Variants in FAM91A1 observed in about 807,000 individuals in gnomAD.
The protein encoded by FAM91A1 is family with sequence similarity 91 member A1.
Under a neutral mutation model 113.5 loss-of-function variants are expected in FAM91A1, and 41 were observed. That is an observed-to-expected ratio of 0.36 (90% confidence interval 0.28 to 0.47). The LOEUF (loss-of-function observed/expected upper bound fraction) is 0.47. Among genes scored for constraint, FAM91A1 ranks in the 20% least tolerant of loss-of-function variants. The pLI is 1.00. For missense variants in FAM91A1, 696 were observed against 1,001.2 expected (o/e 0.70, Z 4.11); for synonymous variants, 307 against 347.9 (o/e 0.88, Z 1.31).
chr8:123,768,817 C>T (rs752772689), intron 1 of FAM91A1, 43 bp downstream of exon 1: 3 of 1,589,072 alleles, frequency 1.9e-6, no homozygotes, highest in African/African-American at 1.3e-5. Context: ...GGATTCGGCC[C>T]GCCCAGCGGT....
chr8:123,771,101 T>C (rs1814826360), intron 1 of FAM91A1, among the ~76,000 whole-genome samples: 1 of 152,230 alleles, frequency 6.6e-6, no homozygotes, highest in African/African-American at 2.4e-5. Flanking sequence ...ATATTTTGAT[T>C]CTCACTCTGA....
chr8:123,782,549 T>C (rs953963228), intron 8 of FAM91A1, among the ~76,000 whole-genome samples: 43 of 152,214 alleles, frequency 2.8e-4, no homozygotes, highest in African/African-American at 8.0e-4. Flanking sequence ...TTTCTAACTG[T>C]ATTTTGTGTG....
chr8:123,809,139 T>A, intron 22 of FAM91A1, 123 bp downstream of exon 22: 1 of 1,326,122 alleles, frequency 7.5e-7, no homozygotes. Flanking sequence ...ATTTGTTGAT[T>A]GAATAGAGAT....
At position 123,774,177 on chromosome 8, in the gene FAM91A1, A is replaced by G; in HGVS notation, c.157+13A>G. 6.3e-7 allele frequency: 1 copy of G among 1,594,794 alleles called. No individual in the cohort carries two copies. Among genetic ancestry groups the G allele is most frequent in the Non-Finnish European group, 8.6e-7 (1 of 1,168,832 alleles). On this transcript the variant is annotated intron_variant, in intron 2 of 23. Coordinates refer to ENST00000334705, the MANE Select transcript of FAM91A1 (RefSeq NM_144963.4). ...AGAAATAACTTAGGTAAGTAGAGCC[A>G]TGTTTATATTGGGGTGGAACTGACC...
intron 1 of FAM91A1, among the ~76,000 whole-genome samples, chr8:123,771,668 A>G (rs1008618592): frequency 6.6e-6 from 1 of 152,082 alleles, no homozygotes; most frequent in African/African-American, 2.4e-5. Flanking sequence ...TAGCCCTTTT[A>G]TTTTGAGGGA....
In FAM91A1 at chr8:123,768,463, C is replaced by G. The variant is rs1334261803; in HGVS notation, c.-240C>G. ...CAGAGCCATTTCCGGCGGCCCGAAACTAGGAAGAAACTTGGAGCTGTTCAG... is the reference window on the plus strand; with the variant it reads ...CAGAGCCATTTCCGGCGGCCCGAAAGTAGGAAGAAACTTGGAGCTGTTCAG... On this transcript the variant is annotated 5_prime_UTR_variant, in exon 1 of 24. Coordinates refer to ENST00000334705, the MANE Select transcript of FAM91A1 (RefSeq NM_144963.4). 2.5e-5 allele frequency: 11 copies of G among 436,574 alleles called. No individual in the cohort carries two copies. In the East Asian group the frequency reaches 2.6e-4, roughly 10 times the overall value. The allele number at this position is 436,574 out of a possible 1,614,324, so 27.0% of individuals were successfully genotyped here. A position where few individuals can be genotyped will look rare whatever the true frequency, so the allele number is the denominator to read the frequency against.
At chr8:123,806,772 G>A (rs754865157) in intron 20 of FAM91A1, among the ~76,000 whole-genome samples, 1 of 151,922 alleles carries the variant, frequency 6.6e-6, no homozygotes, top group Non-Finnish European at 1.5e-5. Flanking sequence ...TTCTTGTCTG[G>A]GTCTTGAACT....
At chr8:123,810,758 A>G (rs905528550) in intron 23 of FAM91A1, 4 of 200,780 alleles carry the variant, frequency 2.0e-5, no homozygotes, top group African/African-American at 9.4e-5. Flanking sequence ...CAAGGAAAGA[A>G]AGAATATTCT....
chr8:123,805,158 G>A lies in FAM91A1; in HGVS notation c.1810-109G>A. ...AAATTGTTGAAAGAATTTTGATGAGGTATTAATATGGAATATACCATTACA... is the reference window on the plus strand; with the variant it reads ...AAATTGTTGAAAGAATTTTGATGAGATATTAATATGGAATATACCATTACA... On this transcript the variant is annotated intron_variant, in intron 18 of 23. Coordinates refer to ENST00000334705, the MANE Select transcript of FAM91A1 (RefSeq NM_144963.4). 3 of 783,104 alleles carry A rather than the reference G, an allele frequency of 3.8e-6. No individual in the cohort carries two copies. In the East Asian group the frequency reaches 8.1e-5, roughly 21 times the overall value. The allele number at this position is 783,104 out of a possible 1,614,324, so 48.5% of individuals were successfully genotyped here.
intron 23 of FAM91A1, 159 bp downstream of exon 23, chr8:123,810,510 T>A: frequency 1.3e-6 from 1 of 786,024 alleles, no homozygotes; most frequent in Middle Eastern, 2.5e-4. Context: ...GTTAATGGAC[T>A]TGCACATTTC....
At chr8:123,796,134 C>A (rs1220655745) in intron 15 of FAM91A1, among the ~76,000 whole-genome samples, 1 of 152,160 alleles carries the variant, frequency 6.6e-6, no homozygotes, top group East Asian at 1.9e-4. Context: ...TACTTGCCCC[C>A]AAACACGTGT....
At chr8:123,791,580 A>G (rs1442392097) in intron 15 of FAM91A1, among the ~76,000 whole-genome samples, 1 of 152,150 alleles carries the variant, frequency 6.6e-6, no homozygotes, top group Non-Finnish European at 1.5e-5. Flanking sequence ...TCCAAAGTTA[A>G]ATTTGATGAA....
At position 123,789,842 on chromosome 8, in the gene FAM91A1, G is replaced by A. The variant is rs183848051; in HGVS notation, c.1411+97G>A. ...GCTCACTTATATAATCATCACTTAC[G>A]TATTTTGTGTAGATAGCATATTGAA... On this transcript the variant is annotated intron_variant, in intron 15 of 23. Transcript: ENST00000334705. 28 of 1,372,432 alleles carry A rather than the reference G, an allele frequency of 2.0e-5. No homozygotes were observed. The Admixed American group carries it at 5.1e-4, about 25-fold the overall frequency. 85.0% of individuals were successfully genotyped at this position (1,372,432 alleles called of 1,614,324 possible). A position where few individuals can be genotyped will look rare whatever the true frequency, so the allele number is the denominator to read the frequency against.
chr8:123,773,437 A>G (rs1347628990), intron 1 of FAM91A1, among the ~76,000 whole-genome samples: 1 of 152,212 alleles, frequency 6.6e-6, no homozygotes. Flanking sequence ...TAATCAGGCA[A>G]ACGTTGTTTG....
chr8:123,777,232 G>A, intron 3 of FAM91A1, 33 bp from the exon 4 acceptor site: 2 of 1,381,606 alleles, frequency 1.4e-6, no homozygotes, highest in African/African-American at 1.5e-5. Context: ...GGACATTTTA[G>A]ATTTCAAATT....
In FAM91A1 at chr8:123,808,967, C is replaced by T. The variant is rs141772405; in HGVS notation, c.2212C>T (p.Arg738Trp). The T allele has an allele frequency of 1.7e-5, 28 of 1,612,802 alleles. No homozygotes were observed. Among genetic ancestry groups the T allele is most frequent in the South Asian group, 1.2e-4 (11 of 91,004 alleles). Residue 738 changes from arginine to tryptophan, a missense_variant, in exon 22 of 24, where the codon CGG becomes TGG. Physicochemically the swap from Arg to Trp is moderately radical, Grantham distance 101 (BLOSUM62 -3). Transcript: ENST00000334705. ...GIPLFSSELNRKVCRKIAAHG... is the reference protein window; with the variant it reads ...GIPLFSSELNWKVCRKIAAHG... ...TCCACTGTTCAGTTCCGAATTAAAC[C>T]GGAAAGTTTGTAGGAAAATTGCTGC...
rs898305604 is a variant in FAM91A1, at chr8:123,805,322, A to C, written c.1865A>C (p.Glu622Ala). 1 of 1,612,382 alleles carries C rather than the reference A, an allele frequency of 6.2e-7. No homozygotes were observed. The highest frequency in any genetic ancestry group is 1.1e-5 in the South Asian group (1 of 90,880). Residue 622 changes from glutamate (E) to alanine (A), a missense_variant, in exon 19 of 24, where the codon GAA becomes GCA. By Grantham distance (107) the Glu-to-Ala change is moderately radical (BLOSUM62 -1). Coordinates refer to ENST00000334705, the MANE Select transcript of FAM91A1 (RefSeq NM_144963.4). ...ETVHVPFPFD[E>A]TELQGEFTRV... Reference sequence around the variant, plus strand: ...GTCCATGTCCCATTTCCATTTGATGAAACAGAACTACAAGGAGGTACCTTT... The same window carrying C: ...GTCCATGTCCCATTTCCATTTGATGCAACAGAACTACAAGGAGGTACCTTT...
chr8:123,796,948 C>T (rs979419554), intron 15 of FAM91A1, among the ~76,000 whole-genome samples: 1 of 151,774 alleles, frequency 6.6e-6, no homozygotes, highest in Non-Finnish European at 1.5e-5. Flanking sequence ...GTAGTCCCAG[C>T]AGCTTGGGAG....
chr8:123,798,158 C>A lies in FAM91A1; in HGVS notation c.1480C>A (p.Leu494Ile). 1.2e-6 allele frequency: 2 copies of A among 1,613,990 alleles called. No homozygotes were observed. Among genetic ancestry groups the A allele is most frequent in the Non-Finnish European group, 1.7e-6 (2 of 1,179,968 alleles). ...GLDPATCSRV[L>I]NKNYTLLVSM... Reference sequence around the variant, plus strand: ...GGACCCTGCAACTTGCAGCAGAGTTCTAAACAAAAATTACACGCTGCTTGT... The same window carrying A: ...GGACCCTGCAACTTGCAGCAGAGTTATAAACAAAAATTACACGCTGCTTGT... Residue 494 changes from leucine (L) to isoleucine (I), a missense_variant, in exon 16 of 24, where the codon CTA (leucine) becomes ATA (isoleucine). Physicochemically the swap from Leu to Ile is conservative, Grantham distance 5 (BLOSUM62 2). Transcript: ENST00000334705.
Sources: gnomAD v4.1 joint callset for allele counts (sites outside exome capture counted in the v4.1 genomes callset) on GRCh38, gnomAD v4.1.1 for gene constraint, MANE v1.5 for transcripts, NCBI Gene and HGNC (gene_info 2026-07-23, HGNC 2026-07-21) for gene names.